NLGN1: variants seen among roughly 807,000 people sequenced by gnomAD.
NLGN1 encodes the protein neuroligin-1.
Under a neutral mutation model 65.5 loss-of-function variants are expected in NLGN1, and 12 were observed. The observed-to-expected ratio is 0.18, with a 90% CI of 0.12 to 0.30. The LOEUF is 0.30. Among genes scored for constraint, NLGN1 ranks in the 10% least tolerant of loss-of-function variants. The probability of loss-of-function intolerance (pLI) is 1.00; values close to 1 mark genes in which losing one functional copy is unlikely to be tolerated. For missense variants in NLGN1, 750 were observed against 1,007.1 expected (o/e 0.74, Z 3.46); for synonymous variants, 350 against 359.5 (o/e 0.97, Z 0.30).
At chr3:173,627,205 C>CA (rs1404712652) in intron 3 of NLGN1, among the ~76,000 whole-genome samples, 1 of 152,068 alleles carries the variant, frequency 6.6e-6, no homozygotes, top group African/African-American at 2.4e-5. Flanking sequence ...ACCATCTTCC[C>CA]ATTCCTCCCA....
chr3:173,409,091 T>G (rs1711949962), intron 1 of NLGN1, among the ~76,000 whole-genome samples: 1 of 152,042 alleles, frequency 6.6e-6, no homozygotes, highest in Non-Finnish European at 1.5e-5. Flanking sequence ...CATAGAAATC[T>G]GAGAAAAACA....
intron 2 of NLGN1, among the ~76,000 whole-genome samples, chr3:173,473,369 G>C (rs982613426): frequency 6.6e-6 from 1 of 152,174 alleles, no homozygotes; most frequent in African/African-American, 2.4e-5. Context: ...TATGCATTTG[G>C]ATCATTGACC....
intron 2 of NLGN1, among the ~76,000 whole-genome samples, chr3:173,558,029 T>A (rs1046466925): frequency 2.6e-5 from 4 of 152,114 alleles, no homozygotes; most frequent in Admixed American, 2.6e-4. Context: ...TTAACAAATA[T>A]TCTTTTTTCC....
At chr3:173,431,812 C>G (rs1466358917) in intron 1 of NLGN1, among the ~76,000 whole-genome samples, 3 of 152,050 alleles carry the variant, frequency 2.0e-5, no homozygotes, top group Non-Finnish European at 2.9e-5. Context: ...GATATATGCC[C>G]ATCATCATAG....
chr3:173,440,576 A>G (rs946270622), intron 2 of NLGN1, among the ~76,000 whole-genome samples: 8 of 152,200 alleles, frequency 5.3e-5, no homozygotes, highest in Non-Finnish European at 1.2e-4. Context: ...TTAATCTTGT[A>G]CATCTACATC....
At chr3:174,129,837 AT>A (rs1561113709) in intron 4 of NLGN1, among the ~76,000 whole-genome samples, 2 of 152,200 alleles carry the variant, frequency 1.3e-5, no homozygotes, top group South Asian at 2.1e-4. Flanking sequence ...CCTAAGTATA[AT>A]TTTTCACCCT....
chr3:173,818,888 A>T (rs1719576622), intron 4 of NLGN1, among the ~76,000 whole-genome samples: 1 of 35,246 alleles, frequency 2.8e-5, no homozygotes, highest in Non-Finnish European at 6.2e-5. Flanking sequence ...TCTGCCTTTG[A>T]ATAGTTCTTT....
chr3:173,999,597 A>G (rs989017986), intron 4 of NLGN1, among the ~76,000 whole-genome samples: 34 of 152,280 alleles, frequency 2.2e-4, no homozygotes, highest in African/African-American at 7.2e-4. Flanking sequence ...TTATTCTCCA[A>G]CCACCACTTC....
intron 3 of NLGN1, among the ~76,000 whole-genome samples, chr3:173,760,719 AC>A (rs1777850872): frequency 6.6e-6 from 1 of 152,042 alleles, no homozygotes; most frequent in Admixed American, 6.6e-5. Context: ...GAGCCAGGAA[AC>A]TTTGATAATA....
At chr3:174,272,898 A>G (rs1251748699) in intron 4 of NLGN1, among the ~76,000 whole-genome samples, 2 of 151,644 alleles carry the variant, frequency 1.3e-5, no homozygotes, top group East Asian at 3.9e-4. Context: ...TGGTTTAATA[A>G]TGACATTTTT....
At chr3:174,081,605 T>A (rs947489413) in intron 4 of NLGN1, among the ~76,000 whole-genome samples, 1 of 151,392 alleles carries the variant, frequency 6.6e-6, no homozygotes, top group Admixed American at 6.6e-5. Flanking sequence ...TTGTTTTTTT[T>A]TTTTTTTTTT....
intron 4 of NLGN1, among the ~76,000 whole-genome samples, chr3:173,824,681 A>G (rs1275198620): frequency 6.6e-6 from 1 of 152,142 alleles, no homozygotes; most frequent in Non-Finnish European, 1.5e-5. Flanking sequence ...AAAGATGCAT[A>G]TAAATACAGG....
In NLGN1 at chr3:173,605,609, G is replaced by GA. The variant is rs1166936706; in HGVS notation, c.493+521dup. On this transcript the variant is annotated intron_variant, in intron 3 of 6. Transcript: ENST00000457714. ...AGAAAAGGAGGTATGTATAAAAGTG[G>GA]AAATTAAAAATGGGGGAAAAAGCTT... The GA allele has an allele frequency of 8.0e-7, 1 of 1,251,188 alleles. No homozygotes were observed. The highest frequency in any genetic ancestry group is 1.2e-5 in the South Asian group (1 of 80,060). The allele number at this position is 1,251,188 out of a possible 1,614,324, so 77.5% of individuals were successfully genotyped here.
chr3:174,220,466 G>T (rs959487136), intron 4 of NLGN1, among the ~76,000 whole-genome samples: 6 of 152,092 alleles, frequency 3.9e-5, no homozygotes, highest in African/African-American at 1.4e-4. Context: ...ACATCCTTAT[G>T]TGCAACATTT....
chr3:173,570,086 C>T (rs775271601), intron 2 of NLGN1, among the ~76,000 whole-genome samples: 6 of 152,106 alleles, frequency 3.9e-5, no homozygotes, highest in Non-Finnish European at 8.8e-5. Flanking sequence ...CCCAACCTAT[C>T]TTGGGAGTGG....
intron 4 of NLGN1, among the ~76,000 whole-genome samples, chr3:174,048,609 T>C (rs778830069): frequency 2.0e-5 from 3 of 151,766 alleles, no homozygotes; most frequent in Non-Finnish European, 4.4e-5. Context: ...GGGAAATCTG[T>C]AGATAAAAGA....
chr3:174,067,074 G>A (rs1738772910), intron 4 of NLGN1, among the ~76,000 whole-genome samples: 3 of 151,994 alleles, frequency 2.0e-5, no homozygotes, highest in Non-Finnish European at 4.4e-5. Context: ...TTCACTGAGA[G>A]AAGTTACCTT....
In NLGN1 at chr3:173,648,046, T is replaced by A. The variant is rs1758554897; in HGVS notation, c.493+42955T>A. On this transcript the variant is annotated intron_variant, in intron 3 of 6. Transcript: ENST00000457714. ...TTCTTAAAAGGAAAGAAATTGACAA[T>A]CTGAGTTTCAAAGTCATATGGAAGT... Among the ~76,000 whole-genome samples, 5 of 152,056 alleles carry A rather than the reference T, an allele frequency of 3.3e-5. No individual in the cohort carries two copies. The South Asian group carries it at 1.0e-3, about 32-fold the overall frequency.
chr3:174,269,470 C>G (rs1748928716), intron 4 of NLGN1, among the ~76,000 whole-genome samples: 1 of 151,876 alleles, frequency 6.6e-6, no homozygotes, highest in South Asian at 2.1e-4. Context: ...TCACATAGCA[C>G]ATTGTCTTCA....
Sources: allele counts gnomAD v4.1 joint callset (sites outside exome capture counted in the v4.1 genomes callset), GRCh38; gene constraint gnomAD v4.1.1; transcripts MANE v1.5; gene names NCBI Gene and HGNC (gene_info 2026-07-23, HGNC 2026-07-21).